The following ADAT1 variants were observed in gnomAD, a reference collection of about 807,000 sequenced individuals.
ADAT1 encodes adenosine deaminase tRNA specific 1.
A neutral mutation model predicts 58.6 loss-of-function variants in ADAT1; 58 were observed. The ratio of observed to expected loss-of-function variants is 0.99; its 90% CI spans 0.80 to 1.23. The LOEUF (loss-of-function observed/expected upper bound fraction) is 1.23, where lower values mean the gene tolerates loss of function less well. Ranked by LOEUF, ADAT1 falls within the 50% of genes most tolerant of loss-of-function variation. The pLI is 0.00. For missense variants in ADAT1, 741 were observed against 608.6 expected (o/e 1.22, Z -2.29); for synonymous variants, 254 against 220.8 (o/e 1.15, Z -1.33).
In ADAT1 at chr16:75,618,618, A is replaced by G; in HGVS notation, c.261T>C (p.His87=). Residue 87 remains histidine, a synonymous_variant, in exon 4 of 10, where the codon CAT becomes CAC. Coordinates refer to ENST00000564657, the MANE Select transcript of ADAT1 (RefSeq NM_001324445.2). Reference sequence around the variant, plus strand: ...AACTCCTTCTGGCTATGACCTCAGCATGGCTATCATTGAGGATGTCTCCTG... The same window carrying G: ...AACTCCTTCTGGCTATGACCTCAGCGTGGCTATCATTGAGGATGTCTCCTG... ...RKNGDILNDS[H]AEVIARRSFQ... 6.2e-7 allele frequency: 1 copy of G among 1,612,582 alleles called. No homozygotes were observed. The highest frequency in any genetic ancestry group is 1.1e-5 in the South Asian group (1 of 90,946).
In ADAT1 at chr16:75,599,634, A is replaced by G; in HGVS notation, c.*582T>C. ...CCTTACAGCTCCAGATCAAAACAGA[A>G]AGCCTTTCCTGATACCTCTGAGAAC... On this transcript the variant is annotated 3_prime_UTR_variant, in exon 10 of 10. Coordinates refer to ENST00000564657, the MANE Select transcript of ADAT1 (RefSeq NM_001324445.2). 1 of 985,846 alleles carries G rather than the reference A, an allele frequency of 1.0e-6. No individual in the cohort carries two copies. Among genetic ancestry groups the G allele is most frequent in the Non-Finnish European group, 1.2e-6 (1 of 830,010 alleles). 61.1% of individuals were successfully genotyped at this position (985,846 alleles called of 1,614,324 possible). A position where few individuals can be genotyped will look rare whatever the true frequency, so the allele number is the denominator to read the frequency against.
chr16:75,602,027 G>C (rs189423901), intron 9 of ADAT1: 3 of 150,842 alleles, frequency 2.0e-5, no homozygotes, highest in East Asian at 3.9e-4. Context: ...TCACACGTGA[G>C]TTTCTGTTTA....
At chr16:75,603,513 A>T (rs1200018327) in intron 8 of ADAT1, among the ~76,000 whole-genome samples, 1 of 152,214 alleles carries the variant, frequency 6.6e-6, no homozygotes, top group African/African-American at 2.4e-5. Context: ...GTTTACAAGA[A>T]ATGGAAAGCT....
Position 75,612,755 on chromosome 16 carries a change from C to T in ADAT1, c.531G>A (p.Leu177=). 6.2e-7 allele frequency: 1 copy of T among 1,614,066 alleles called. No individual in the cohort carries two copies. Among genetic ancestry groups the T allele is most frequent in the East Asian group, 2.2e-5 (1 of 44,884 alleles). ...ATTTTCTTTCATTTCCAGGAGCTTC[C>T]AGGTTACTACTGGCTTCTACTGATG... is the stretch of plus-strand genomic sequence containing the variant. ...HNSSVEASSN[L]EAPGNERKCE... The change falls in exon 6 of 10, where the codon CTG becomes CTA. Residue 177 remains leucine, a synonymous_variant. Transcript: ENST00000564657.
Position 75,612,274 on chromosome 16 carries a change from G to C in ADAT1, c.1012C>G (p.Gln338Glu), listed in dbSNP as rs759672959. The C allele has an allele frequency of 1.9e-6, 3 of 1,614,088 alleles. No individual in the cohort carries two copies. The highest frequency in any genetic ancestry group is 4.5e-5 in the East Asian group (2 of 44,864). The change falls in exon 6 of 10, where the codon CAG becomes GAG. Residue 338 changes from glutamine to glutamate, a missense_variant. Transcript: ENST00000564657. ...AVVIGKCPYS[Q>E]EAMQRALIGR... Reference sequence around the variant, plus strand: ...ATCAGTGCTCTCTGCATGGCTTCCTGGCTGTATGGGCACTTCCCAATGACC... The same window carrying C: ...ATCAGTGCTCTCTGCATGGCTTCCTCGCTGTATGGGCACTTCCCAATGACC...
At chr16:75,615,433 C>T (rs1008397014) in intron 5 of ADAT1, among the ~76,000 whole-genome samples, 1 of 111,430 alleles carries the variant, frequency 9.0e-6, no homozygotes, top group Admixed American at 1.1e-4. Context: ...TAAAAATTGT[C>T]TTGGGCCACA....
intron 8 of ADAT1, 33 bp downstream of exon 8, chr16:75,608,191 G>C: frequency 6.4e-7 from 1 of 1,565,204 alleles, no homozygotes; most frequent in Non-Finnish European, 8.8e-7. Flanking sequence ...TGAGTTCACA[G>C]CCACCATCTC....
chr16:75,617,828 G>A (rs2081784690), intron 4 of ADAT1, among the ~76,000 whole-genome samples: 1 of 150,816 alleles, frequency 6.6e-6, no homozygotes, highest in Non-Finnish European at 1.5e-5. Context: ...ACTCATGCCT[G>A]TAAATCCGGC....
chr16:75,609,221 G>A (rs1322765914), intron 6 of ADAT1, among the ~76,000 whole-genome samples: 1 of 152,104 alleles, frequency 6.6e-6, no homozygotes, highest in Non-Finnish European at 1.5e-5. Context: ...CACCCTTCAG[G>A]GATGTAACAC....
chr16:75,614,706 A>T (rs2081648576), intron 5 of ADAT1, among the ~76,000 whole-genome samples: 1 of 152,194 alleles, frequency 6.6e-6, no homozygotes, highest in Non-Finnish European at 1.5e-5. Flanking sequence ...TAAAACTCAT[A>T]AGAGCCTGAA....
At chr16:75,618,791 A>T in intron 3 of ADAT1, 151 bp from the exon 4 acceptor site, 1 of 858,302 alleles carries the variant, frequency 1.2e-6, no homozygotes, top group Non-Finnish European at 1.8e-6. Flanking sequence ...CATGAATAAC[A>T]ATGCATCAGG....
At chr16:75,613,461 C>G (rs554025767) in intron 5 of ADAT1, among the ~76,000 whole-genome samples, 1 of 152,132 alleles carries the variant, frequency 6.6e-6, no homozygotes, top group African/African-American at 2.4e-5. Context: ...ATCACCACGA[C>G]TGGCTAATGT....
intron 5 of ADAT1, among the ~76,000 whole-genome samples, chr16:75,614,734 C>A (rs2081649200): frequency 6.6e-6 from 1 of 152,148 alleles, no homozygotes; most frequent in South Asian, 2.1e-4. Context: ...ACCCAGCCAA[C>A]AAATTATTAA....
chr16:75,598,808 C>T lies in ADAT1; in HGVS notation c.*1408G>A, dbSNP rs1396515089. ...TGTTGGAATTACAGGCGTAAGCCAC[C>T]GTGCCCGGCCTAAAAACTTTTAAAA... On this transcript the variant is annotated 3_prime_UTR_variant, in exon 10 of 10. Coordinates refer to ENST00000564657, the MANE Select transcript of ADAT1 (RefSeq NM_001324445.2). 8 of 832,316 alleles carry T rather than the reference C, an allele frequency of 9.6e-6. No homozygotes were observed. Among genetic ancestry groups the T allele is most frequent in the Middle Eastern group, 1.3e-3 (2 of 1,576 alleles). 51.6% of individuals were successfully genotyped at this position (832,316 alleles called of 1,614,324 possible). A position where few individuals can be genotyped will look rare whatever the true frequency, so the allele number is the denominator to read the frequency against.
intron 8 of ADAT1, among the ~76,000 whole-genome samples, chr16:75,605,937 C>CG (rs1555508935): frequency 1.3e-5 from 1 of 75,058 alleles, no homozygotes; most frequent in African/African-American, 4.9e-5. Context: ...AACTCTGTCT[C>CG]AAAAAAAAAA....
At chr16:75,611,174 G>A (rs183669052) in intron 6 of ADAT1, among the ~76,000 whole-genome samples, 14 of 152,038 alleles carry the variant, frequency 9.2e-5, no homozygotes, top group African/African-American at 3.4e-4. Context: ...ATATATAATG[G>A]CAATGTATGT....
chr16:75,618,595 C>G lies in ADAT1; in HGVS notation c.284G>C (p.Ser95Thr), dbSNP rs1447146432. 2 of 1,604,080 alleles carry G rather than the reference C, an allele frequency of 1.2e-6. No individual in the cohort carries two copies. The highest frequency in any genetic ancestry group is 1.7e-5 in the Admixed American group (1 of 57,690). Residue 95 changes from serine (S) to threonine (T), a missense_variant, in exon 4 of 10, where the codon AGT (serine) becomes ACT (threonine). Physicochemically the swap from Ser to Thr is moderately conservative, Grantham distance 58. Coordinates refer to ENST00000564657, the MANE Select transcript of ADAT1 (RefSeq NM_001324445.2). ...DSHAEVIARR[S>T]FQRYLLHQLQ... ...GGAGATGTGGCTTTACCTTTGGAAA[C>G]TCCTTCTGGCTATGACCTCAGCATG...
rs2081578425 is a variant in ADAT1 at position 75,612,573 on chromosome 16, T to G, written c.713A>C (p.Glu238Ala). Reference sequence around the variant, plus strand: ...TATTCTGGTGACAGTAGCCAGTCCCTCTACAGTGAGATCACAGCTGTGGAT... The same window carrying G: ...TATTCTGGTGACAGTAGCCAGTCCCGCTACAGTGAGATCACAGCTGTGGAT... ...PGIHSCDLTV[E>A]GLATVTRIAP... is the part of the protein sequence containing the mutation. The change falls in exon 6 of 10, where the codon GAG becomes GCG. Residue 238 changes from glutamate (E) to alanine (A), a missense_variant. Physicochemically the swap from Glu to Ala is moderately radical, Grantham distance 107. Coordinates refer to ENST00000564657, the MANE Select transcript of ADAT1 (RefSeq NM_001324445.2). 1.9e-6 allele frequency: 3 copies of G among 1,613,974 alleles called. No individual in the cohort carries two copies. Among genetic ancestry groups the G allele is most frequent in the South Asian group, 1.1e-5 (1 of 91,074 alleles).
chr16:75,602,352 C>T (rs185862623), intron 9 of ADAT1, among the ~76,000 whole-genome samples: 12 of 152,342 alleles, frequency 7.9e-5, no homozygotes, highest in African/African-American at 2.9e-4. Flanking sequence ...GCGACCCTCC[C>T]ATATCTTACC....
Sources: allele counts gnomAD v4.1 joint callset (sites outside exome capture counted in the v4.1 genomes callset), GRCh38; gene constraint gnomAD v4.1.1; transcripts MANE v1.5; gene names NCBI Gene and HGNC (gene_info 2026-07-23, HGNC 2026-07-21).